CSMD3: variants seen among roughly 807,000 people sequenced by gnomAD.
CSMD3 encodes CUB and sushi domain-containing protein 3.
Under a neutral mutation model 435.2 loss-of-function variants are expected in CSMD3, and 177 were observed. The observed-to-expected ratio is 0.41, with a 90% CI of 0.36 to 0.46. CSMD3 has a LOEUF of 0.46. Ranked by LOEUF, CSMD3 falls within the 20% of genes least tolerant of loss-of-function variation. The pLI is 0.34. For synonymous variants in CSMD3, 1,656 were observed against 1,520.5 expected (o/e 1.09, Z -2.07); for missense variants, 4,265 against 4,504.6 (o/e 0.95, Z 1.52).
At position 113,097,937 on chromosome 8, in the gene CSMD3, T is replaced by A. The variant is rs185147618; in HGVS notation, c.917+819A>T. On this transcript the variant is annotated intron_variant, in intron 5 of 70. Coordinates refer to ENST00000297405, the MANE Select transcript of CSMD3 (RefSeq NM_198123.2). The stretch of plus-strand genomic sequence containing the variant: ...TCAGTCTACTTCCTTACCTCATTAA[T>A]ATGACTCTAATTCCAGCTACCGTGA... 1.8e-3 allele frequency among the ~76,000 whole-genome samples: 267 copies of A among 152,152 alleles called. 1 individual carries two copies. Among genetic ancestry groups the A allele is most frequent in the Middle Eastern group, 3.4e-3 (1 of 294 alleles).
intron 6 of CSMD3, among the ~76,000 whole-genome samples, chr8:113,013,596 C>T (rs1011666006): frequency 8.6e-5 from 13 of 151,884 alleles, no homozygotes; most frequent in African/African-American, 2.9e-4. Flanking sequence ...CTTCCAGAGC[C>T]AAAGGGAAAT....
At chr8:113,001,996 G>T (rs149435563) in intron 6 of CSMD3, among the ~76,000 whole-genome samples, 229 of 152,158 alleles carry the variant, frequency 1.5e-3, no homozygotes, top group African/African-American at 4.9e-3. Flanking sequence ...TTCATTAAGA[G>T]TGGTCTCTTA....
At chr8:113,062,925 C>T (rs2088680871) in intron 5 of CSMD3, among the ~76,000 whole-genome samples, 1 of 151,566 alleles carries the variant, frequency 6.6e-6, no homozygotes, top group South Asian at 2.1e-4. Flanking sequence ...AGGTGACTTA[C>T]ATATGTAAAT....
chr8:112,295,105 C>T (rs1229267263), intron 54 of CSMD3, among the ~76,000 whole-genome samples: 3 of 152,006 alleles, frequency 2.0e-5, no homozygotes, highest in Admixed American at 6.6e-5. Context: ...CATATGCCTT[C>T]GCAACCTCAT....
intron 3 of CSMD3, among the ~76,000 whole-genome samples, chr8:113,266,343 G>C (rs900340146): frequency 6.6e-6 from 1 of 151,124 alleles, no homozygotes; most frequent in African/African-American, 2.4e-5. Flanking sequence ...CATAATATTT[G>C]CAAGGGTGTA....
At chr8:113,138,314 T>A (rs2091465776) in intron 4 of CSMD3, among the ~76,000 whole-genome samples, 1 of 151,478 alleles carries the variant, frequency 6.6e-6, no homozygotes, top group South Asian at 2.1e-4. Flanking sequence ...AAAATTGAAT[T>A]TTTAAAACTA....
chr8:112,734,692 T>G (rs879556060), intron 13 of CSMD3, among the ~76,000 whole-genome samples: 3 of 151,990 alleles, frequency 2.0e-5, no homozygotes, highest in Non-Finnish European at 4.4e-5. Flanking sequence ...ATGCATGAAC[T>G]GAAATTCCAC....
chr8:113,052,428 C>G (rs1335298952), intron 5 of CSMD3, among the ~76,000 whole-genome samples: 6 of 152,036 alleles, frequency 3.9e-5, no homozygotes, highest in African/African-American at 1.4e-4. Flanking sequence ...TTTTAAAAAG[C>G]AATTCTGCAA....
intron 38 of CSMD3, among the ~76,000 whole-genome samples, chr8:112,372,020 A>G (rs1188817642): frequency 6.7e-6 from 1 of 149,030 alleles, no homozygotes; most frequent in Non-Finnish European, 1.5e-5. Context: ...CTACTTGATA[A>G]CAAAATACAA....
intron 13 of CSMD3, among the ~76,000 whole-genome samples, chr8:112,736,749 G>A (rs2077193692): frequency 6.6e-6 from 1 of 151,912 alleles, no homozygotes; most frequent in Non-Finnish European, 1.5e-5. Context: ...TATTTCTGGT[G>A]TAGTGCTAGA....
chr8:113,298,341 A>G (rs2132567680), intron 2 of CSMD3, among the ~76,000 whole-genome samples: 1 of 152,228 alleles, frequency 6.6e-6, no homozygotes, highest in South Asian at 2.1e-4. Flanking sequence ...AAATAACAAG[A>G]CATTGATATG....
At chr8:112,444,815 T>C (rs1275149575) in intron 32 of CSMD3, among the ~76,000 whole-genome samples, 1 of 152,236 alleles carries the variant, frequency 6.6e-6, no homozygotes, top group East Asian at 1.9e-4. Flanking sequence ...TACACACTTG[T>C]CATAAGTCAC....
At chr8:112,475,493 T>TCC (rs2130771008) in intron 31 of CSMD3, among the ~76,000 whole-genome samples, 1 of 152,248 alleles carries the variant, frequency 6.6e-6, no homozygotes, top group Non-Finnish European at 1.5e-5. Flanking sequence ...TAATTTATAG[T>TCC]CAATAACACA....
rs529850039 is a variant in CSMD3, at chr8:112,440,620, G to T, written c.5396-31588C>A. Among the ~76,000 whole-genome samples, 9 of 152,194 alleles carry T rather than the reference G, an allele frequency of 5.9e-5. No individual in the cohort carries two copies. The South Asian group carries it at 1.9e-3, about 32-fold the overall frequency. The stretch of plus-strand genomic sequence containing the variant: ...GGCTCCACCCCTGCAGCAAACTTCT[G>T]CCAGACGATCAGGTGTTCCCACACA... On this transcript the variant is annotated intron_variant, in intron 32 of 70. Coordinates refer to ENST00000297405, the MANE Select transcript of CSMD3 (RefSeq NM_198123.2).
At chr8:113,056,756 G>T (rs1229638175) in intron 5 of CSMD3, among the ~76,000 whole-genome samples, 2 of 152,098 alleles carry the variant, frequency 1.3e-5, no homozygotes, top group African/African-American at 4.8e-5. Flanking sequence ...CCTGGAAATA[G>T]TCTCTTCTGA....
intron 1 of CSMD3, among the ~76,000 whole-genome samples, chr8:113,417,268 C>T (rs1056651467): frequency 1.3e-5 from 2 of 151,824 alleles, no homozygotes; most frequent in East Asian, 3.9e-4. Context: ...ATAAATATTG[C>T]AACCAGGAAG....
chr8:112,933,081 C>G (rs1416149150), intron 9 of CSMD3, among the ~76,000 whole-genome samples: 1 of 151,888 alleles, frequency 6.6e-6, no homozygotes, highest in African/African-American at 2.4e-5. Context: ...AAAATCAAAT[C>G]GTGGATTGGG....
At chr8:112,357,366 G>T (rs1211221543) in intron 38 of CSMD3, among the ~76,000 whole-genome samples, 1 of 152,158 alleles carries the variant, frequency 6.6e-6, no homozygotes, top group Non-Finnish European at 1.5e-5. Context: ...GCTGTTAAAA[G>T]CATTCAGTTT....
intron 22 of CSMD3, among the ~76,000 whole-genome samples, chr8:112,623,438 C>A (rs1167195319): frequency 6.6e-6 from 1 of 152,080 alleles, no homozygotes; most frequent in Non-Finnish European, 1.5e-5. Flanking sequence ...CTAATTCTCA[C>A]ATCATAGTGT....
Sources: allele counts gnomAD v4.1 joint callset (sites outside exome capture counted in the v4.1 genomes callset), GRCh38; gene constraint gnomAD v4.1.1; transcripts MANE v1.5; gene names NCBI Gene and HGNC (gene_info 2026-07-23, HGNC 2026-07-21).